The following ZNF606 variants were observed in gnomAD, a reference collection of about 807,000 sequenced individuals.
The protein encoded by ZNF606 is zinc finger protein 606, also known as zinc finger protein 328.
In ZNF606, 37 loss-of-function variants were observed where a neutral mutation model predicts 74.9. That is an observed-to-expected ratio of 0.49 (90% CI 0.38 to 0.65). The LOEUF is 0.65. ZNF606 is among the 30% of genes least tolerant of loss of function. The pLI, the probability that ZNF606 is intolerant of heterozygous loss-of-function variation, is 0.00. For missense variants in ZNF606, 852 were observed against 952.9 expected, an observed-to-expected ratio of 0.89 and a Z score of 1.39; for synonymous variants, 328 against 312.4, an observed-to-expected ratio of 1.05 and a Z score of -0.53.
In ZNF606 at chr19:57,986,498, G is replaced by C. The variant is rs1451690681; in HGVS notation, c.400+1709C>G. Among the ~76,000 whole-genome samples, 2 of 152,098 alleles carry C rather than the reference G, an allele frequency of 1.3e-5. 1 individual carries two copies. The highest frequency in any genetic ancestry group is 6.3e-3 in the Middle Eastern group (2 of 316). On this transcript the variant is annotated intron_variant, in intron 6 of 6. Coordinates refer to ENST00000551380, the MANE Select transcript of ZNF606 (RefSeq NM_001348022.3). ...TAAAATGAGTTCCTCAGGCTGAAAT[G>C]AAAGAACATTCAACAGTAACTCAAA...
rs1229127936 is a variant in ZNF606 at position 57,977,284 on chromosome 19, A to G, written c.*1017T>C. Reference sequence around the variant, plus strand: ...CTGCTTCAGCTTAGCCATTTGTAAAACTGGGGTAACAGTACCTATCTCAGA... The same window carrying G: ...CTGCTTCAGCTTAGCCATTTGTAAAGCTGGGGTAACAGTACCTATCTCAGA... On this transcript the variant is annotated 3_prime_UTR_variant, in exon 7 of 7. Coordinates refer to ENST00000551380, the MANE Select transcript of ZNF606 (RefSeq NM_001348022.3). 6.6e-6 allele frequency: 1 copy of G among 152,156 alleles called. No homozygotes were observed. Among genetic ancestry groups the G allele is most frequent in the Non-Finnish European group, 1.5e-5 (1 of 68,034 alleles). The allele number at this position is 152,156 out of a possible 1,614,324, so 9.4% of individuals were successfully genotyped here.
Position 57,977,764 on chromosome 19 carries a change from T to C in ZNF606, c.*537A>G, listed in dbSNP as rs961385106. The C allele has an allele frequency of 6.6e-6, 1 of 152,352 alleles. No homozygotes were observed. Among genetic ancestry groups the C allele is most frequent in the African/African-American group, 2.4e-5 (1 of 41,454 alleles). The allele number at this position is 152,352 out of a possible 1,614,324, so 9.4% of individuals were successfully genotyped here. A position where few individuals can be genotyped will look rare whatever the true frequency, so the allele number is the denominator to read the frequency against. ...CAGTAAATACCCCATTCAATACTAT[T>C]ATTTTTCTTACATTCAGATTTAGCA... On this transcript the variant is annotated 3_prime_UTR_variant, in exon 7 of 7. Transcript: ENST00000551380.
chr19:57,999,813 C>A lies in ZNF606; in HGVS notation c.172G>T (p.Val58Phe), dbSNP rs752314092. ...RRATGLPAAQ[V>F]QEPVTFKDVA... ...ACAGGACAGCCCCATCTCACCTGAA[C>A]CTGGGCTGCTGGGAGCCCAGTGGCC... Residue 58 changes from valine to phenylalanine, a missense_variant, in exon 4 of 7, where the codon GTT becomes TTT. Coordinates refer to ENST00000551380, the MANE Select transcript of ZNF606 (RefSeq NM_001348022.3). 3.7e-6 allele frequency: 6 copies of A among 1,613,922 alleles called. No homozygotes were observed. Among genetic ancestry groups the A allele is most frequent in the Middle Eastern group, 3.3e-4 (2 of 6,082 alleles).
At chr19:57,985,099 C>G (rs763345528) in intron 6 of ZNF606, among the ~76,000 whole-genome samples, 1 of 151,798 alleles carries the variant, frequency 6.6e-6, no homozygotes, top group Non-Finnish European at 1.5e-5. Context: ...CATCTCAGAA[C>G]AAAAACAAAA....
intron 6 of ZNF606, among the ~76,000 whole-genome samples, chr19:57,987,150 T>C (rs1042645466): frequency 6.6e-6 from 1 of 152,128 alleles, no homozygotes; most frequent in African/African-American, 2.4e-5. Flanking sequence ...GATTTTATAG[T>C]AAAAGAAAAG....
chr19:57,999,643 T>C, intron 4 of ZNF606, 165 bp downstream of exon 4: 1 of 660,528 alleles, frequency 1.5e-6, no homozygotes, highest in Non-Finnish European at 2.6e-6. Context: ...TCCGAATCAC[T>C]AAAAACGGCC....
chr19:57,999,845 C>T lies in ZNF606; in HGVS notation c.140G>A (p.Gly47Glu), dbSNP rs181804415. The change falls in exon 4 of 7, where the codon GGG (glycine) becomes GAG (glutamate). Residue 47 changes from glycine (G) to glutamate (E), a missense_variant. By Grantham distance (98) the Gly-to-Glu change is moderately conservative. Around this residue, in one of 3 missense-constraint regions of ZNF606, gnomAD observed 545 missense variants for 542.5 expected, o/e 1.00. Coordinates refer to ENST00000551380, the MANE Select transcript of ZNF606 (RefSeq NM_001348022.3). ...AWHVEGSLEEGRRATGLPAAQ... is the reference protein window; with the variant it reads ...AWHVEGSLEEERRATGLPAAQ... ...TGCTGGGAGCCCAGTGGCCCTCCTCCCCTCCTCCAGGCTTCCCTCCACGTG... is the reference window on the plus strand; with the variant it reads ...TGCTGGGAGCCCAGTGGCCCTCCTCTCCTCCTCCAGGCTTCCCTCCACGTG... The T allele has an allele frequency of 8.7e-6, 14 of 1,614,086 alleles. No homozygotes were observed. The East Asian group carries it at 2.9e-4, about 33-fold the overall frequency.
At chr19:57,984,895 C>T (rs1488480425) in intron 6 of ZNF606, among the ~76,000 whole-genome samples, 3 of 152,154 alleles carry the variant, frequency 2.0e-5, no homozygotes, top group Non-Finnish European at 4.4e-5. Context: ...GAGATCAAGA[C>T]CATCCTGGCT....
chr19:58,002,010 T>A (rs922661193), intron 1 of ZNF606: 1 of 369,284 alleles, frequency 2.7e-6, no homozygotes, highest in African/African-American at 2.1e-5. Context: ...CAGATCTTTG[T>A]ACAAGTCAGC....
At chr19:57,996,471 G>A (rs752962124) in intron 4 of ZNF606, among the ~76,000 whole-genome samples, 1 of 152,190 alleles carries the variant, frequency 6.6e-6, no homozygotes, top group Non-Finnish European at 1.5e-5. Flanking sequence ...CTGCACTCCA[G>A]TATGGACAAC....
intron 1 of ZNF606, 29 bp downstream of exon 1, chr19:58,002,367 G>A (rs2073447669): frequency 4.4e-6 from 2 of 456,610 alleles, no homozygotes; most frequent in South Asian, 3.1e-5. Context: ...ACGCGGCCGC[G>A]ACGCTGCAAA....
At chr19:58,003,237 T>G (rs192879277), upstream of ZNF606, 54 of 456,722 alleles carry the variant, frequency 1.2e-4, no homozygotes, top group Non-Finnish European at 2.0e-4. Flanking sequence ...GAGCTACCCT[T>G]CTCTGTGAAG....
rs769366461 is a variant in ZNF606, at chr19:57,979,366, C to G, written c.1314G>C (p.Arg438Ser). The G allele has an allele frequency of 1.2e-6, 2 of 1,612,786 alleles. No individual in the cohort carries two copies. Among genetic ancestry groups the G allele is most frequent in the East Asian group, 4.5e-5 (2 of 44,858 alleles). ...CATGTTTCGTAAGGGCTGAGCGATT[C>G]CTAAAAACTTTTCCACATTTATCAC... ...YECDKCGKVF[R>S]NRSALTKHER... The change falls in exon 7 of 7, where the codon AGG (arginine) becomes AGC (serine). Residue 438 changes from arginine to serine, a missense_variant. Arg to Ser is a moderately radical substitution (Grantham distance 110, BLOSUM62 -1). This residue lies in a region of ZNF606 where 545 missense variants were observed against 542.5 expected (regional missense o/e 1.00). Coordinates refer to ENST00000551380, the MANE Select transcript of ZNF606 (RefSeq NM_001348022.3).
At chr19:58,001,083 C>T (rs1367959388) in intron 2 of ZNF606, 4 of 616,162 alleles carry the variant, frequency 6.5e-6, no homozygotes, top group Non-Finnish European at 1.1e-5. Flanking sequence ...CTAATGACAC[C>T]TCTCAGGAGA....
intron 4 of ZNF606, among the ~76,000 whole-genome samples, chr19:57,994,392 C>T (rs73937090): frequency 1.3e-5 from 2 of 152,108 alleles, no homozygotes; most frequent in Non-Finnish European, 2.9e-5. Flanking sequence ...GGAATTATTA[C>T]TTTTTAAATA....
rs773181120 is a variant in ZNF606, at chr19:57,978,968, G to T, written c.1712C>A (p.Thr571Asn). 5.0e-6 allele frequency: 8 copies of T among 1,613,954 alleles called. No individual in the cohort carries two copies. Among genetic ancestry groups the T allele is most frequent in the Non-Finnish European group, 5.9e-6 (7 of 1,180,030 alleles). ...THSGAKPYKC[T>N]ECGKSFSWSS... ...CCAGCTGAAGGATTTTCCACATTCA[G>T]TACATTTATATGGTTTTGCTCCAGA... is the stretch of plus-strand genomic sequence containing the variant. Residue 571 changes from threonine (T) to asparagine (N), a missense_variant, in exon 7 of 7, where the codon ACT (threonine) becomes AAT (asparagine). Physicochemically the swap from Thr to Asn is moderately conservative, Grantham distance 65. Around this residue, in one of 3 missense-constraint regions of ZNF606, gnomAD observed 243 missense variants for 359.2 expected, o/e 0.68. Transcript: ENST00000551380. The surrounding 1 kb of genome is among the most constrained non-coding windows in gnomAD (Gnocchi z 4.4).
intron 6 of ZNF606, among the ~76,000 whole-genome samples, chr19:57,987,665 T>C (rs1443982426): frequency 3.3e-5 from 5 of 151,776 alleles, no homozygotes; most frequent in African/African-American, 1.2e-4. Context: ...CCGTCTCTAC[T>C]AAAAATACAA....
chr19:57,985,108 A>AAAC (rs759358787), intron 6 of ZNF606, among the ~76,000 whole-genome samples: 5 of 152,116 alleles, frequency 3.3e-5, no homozygotes, highest in African/African-American at 4.8e-5. Context: ...ACAAAAACAA[A>AAAC]AACAACAACA....
At chr19:57,986,065 A>G (rs1194458945) in intron 6 of ZNF606, among the ~76,000 whole-genome samples, 1 of 147,768 alleles carries the variant, frequency 6.8e-6, no homozygotes, top group Non-Finnish European at 1.5e-5. Flanking sequence ...CAGGCCAGAA[A>G]GAAAGACAAA....
Sources: allele counts gnomAD v4.1 joint callset (sites outside exome capture counted in the v4.1 genomes callset), GRCh38; gene constraint gnomAD v4.1.1; regional missense constraint gnomAD v4.1.1; non-coding constraint Gnocchi (gnomAD v3.1); transcripts MANE v1.5; gene names NCBI Gene and HGNC (gene_info 2026-07-23, HGNC 2026-07-21).